KXD1: variants seen among roughly 807,000 people sequenced by gnomAD.
The protein encoded by KXD1 is kxDL motif-containing protein 1.
In KXD1, 5 loss-of-function variants were observed where a neutral mutation model predicts 12.1. That is an observed-to-expected ratio of 0.41 (90% CI 0.22 to 0.87). The LOEUF (loss-of-function observed/expected upper bound fraction) is 0.87. Among genes scored for constraint, KXD1 ranks in the 40% least tolerant of loss-of-function variants. The probability of loss-of-function intolerance (pLI) is 0.31; values close to 1 mark genes in which losing one functional copy is unlikely to be tolerated. For missense variants in KXD1, 193 were observed against 244.9 expected (o/e 0.79, Z 1.41); for synonymous variants, 98 against 100.5 (o/e 0.98, Z 0.15).
Position 18,568,443 on chromosome 19 carries a change from C to T in KXD1, c.343C>T (p.Pro115Ser). ...CTTCCTGGAGGAAGAGGATGAAGAC[C>T]CCATCCCACCCAGCACCACGACCAC... ...ASFLEEEDED[P>S]IPPSTTTTIA... Residue 115 changes from proline to serine, a missense_variant, in exon 5 of 5, where the codon CCC becomes TCC. Transcript: ENST00000222307. 1.2e-6 allele frequency: 2 copies of T among 1,614,050 alleles called. No individual in the cohort carries two copies. Among genetic ancestry groups the T allele is most frequent in the African/African-American group, 2.7e-5 (2 of 75,008 alleles).
At chr19:18,561,259 C>G (rs1050512932) in intron 1 of KXD1, among the ~76,000 whole-genome samples, 1 of 151,790 alleles carries the variant, frequency 6.6e-6, no homozygotes, top group Non-Finnish European at 1.5e-5. Flanking sequence ...CAAACAAAAA[C>G]AAGGTAAAGT....
intron 2 of KXD1, among the ~76,000 whole-genome samples, chr19:18,563,797 C>T (rs58782998): frequency 0.46 from 70,271 of 151,786 alleles, 18,501 homozygotes; most frequent in East Asian, 0.65. Context: ...CCACCGTGCC[C>T]GGCCCTGATT....
chr19:18,567,265 T>A lies in KXD1; in HGVS notation c.301+87T>A, dbSNP rs1416171138. ...TCTGGAAGGCCACCTTGGGGCCTGA[T>A]ACTGAGACCAGGCTGTAATGGGCAG... On this transcript the variant is annotated intron_variant, in intron 4 of 4. Transcript: ENST00000222307. 7 of 1,358,252 alleles carry A rather than the reference T, an allele frequency of 5.2e-6. No individual in the cohort carries two copies. In the East Asian group the frequency reaches 1.6e-4, roughly 32 times the overall value. The allele number at this position is 1,358,252 out of a possible 1,614,324, so 84.1% of individuals were successfully genotyped here.
rs57907504 is a variant in KXD1 at position 18,568,845 on chromosome 19, C to T, written c.*214C>T. The T allele has an allele frequency of 2.5e-3, 1,430 of 574,240 alleles. 14 individuals are homozygous for T. The highest frequency in any genetic ancestry group is 0.023 in the African/African-American group (1,236 of 53,516). The allele number at this position is 574,240 out of a possible 1,614,324, so 35.6% of individuals were successfully genotyped here. The stretch of plus-strand genomic sequence containing the variant: ...CCTTCCTCAGAACATCTCTATTCTG[C>T]AAGACCCCTCTGCCATGCCAGGGCA... On this transcript the variant is annotated 3_prime_UTR_variant, in exon 5 of 5. Coordinates refer to ENST00000222307, the MANE Select transcript of KXD1 (RefSeq NM_024069.4).
intron 1 of KXD1, among the ~76,000 whole-genome samples, chr19:18,560,741 C>T (rs1974890622): frequency 6.6e-6 from 1 of 151,016 alleles, no homozygotes; most frequent in Non-Finnish European, 1.5e-5. Context: ...CGGAGTCTCT[C>T]TGTTGCCCAG....
rs1600554734 is a variant in KXD1 at position 18,557,923 on chromosome 19, G to T, written c.-22+9G>T. On this transcript the variant is annotated intron_variant, in intron 1 of 4. Transcript: ENST00000222307. ...GGCCGCCAGATGTGCAGGTGCCGCC[G>T]CTACCGACGCCGGGGCCGAGTTTGG... 1 of 152,258 alleles carries T rather than the reference G, an allele frequency of 6.6e-6. No homozygotes were observed. The highest frequency in any genetic ancestry group is 1.9e-4 in the East Asian group (1 of 5,198). 9.4% of individuals were successfully genotyped at this position (152,258 alleles called of 1,614,324 possible). A position where few individuals can be genotyped will look rare whatever the true frequency, so the allele number is the denominator to read the frequency against.
At chr19:18,563,870 C>T (rs1185326795) in intron 2 of KXD1, among the ~76,000 whole-genome samples, 1 of 151,496 alleles carries the variant, frequency 6.6e-6, no homozygotes, top group Non-Finnish European at 1.5e-5. Context: ...ATCCACCCTG[C>T]CTCAACCTCC....
chr19:18,558,063 A>G (rs1568417383), intron 1 of KXD1, 149 bp downstream of exon 1: 1 of 152,352 alleles, frequency 6.6e-6, no homozygotes, highest in African/African-American at 2.4e-5. Flanking sequence ...TGCTGCGCAC[A>G]GGCCTCAGTT....
intron 4 of KXD1, among the ~76,000 whole-genome samples, chr19:18,568,068 T>C (rs1339823942): frequency 6.6e-6 from 1 of 152,054 alleles, no homozygotes; most frequent in East Asian, 1.9e-4. Flanking sequence ...GGGAGTTCGA[T>C]ACCAGCCTGA....
In KXD1 at chr19:18,568,598, C is replaced by G; in HGVS notation, c.498C>G (p.Ser166Arg). The change falls in exon 5 of 5, where the codon AGC becomes AGG. Residue 166 changes from serine to arginine, a missense_variant. By Grantham distance (110) the Ser-to-Arg change is moderately radical. Transcript: ENST00000222307. ...QPGSPAINGRSQTDDEEMTGE is the reference protein window; with the variant it reads ...QPGSPAINGRRQTDDEEMTGE ...GCTCCCCAGCCATCAACGGCCGCAG[C>G]CAGACAGATGACGAGGAGATGACGG... is the stretch of plus-strand genomic sequence containing the variant. The G allele has an allele frequency of 6.2e-7, 1 of 1,612,668 alleles. No individual in the cohort carries two copies. The highest frequency in any genetic ancestry group is 8.5e-7 in the Non-Finnish European group (1 of 1,180,002).
At chr19:18,564,802 T>A (rs62137086) in intron 2 of KXD1, 67 bp from the exon 3 acceptor site, 20 of 1,580,076 alleles carry the variant, frequency 1.3e-5, no homozygotes, top group East Asian at 6.7e-5. Context: ...ATGAACAGTC[T>A]TCTGGGCCAG....
chr19:18,561,386 C>G (rs964324023), intron 1 of KXD1: 6 of 152,264 alleles, frequency 3.9e-5, no homozygotes, highest in Admixed American at 1.3e-4. Context: ...AACCCCGTCT[C>G]TACTAAAAAA....
At chr19:18,561,037 G>T (rs1229754007) in intron 1 of KXD1, among the ~76,000 whole-genome samples, 4 of 152,096 alleles carry the variant, frequency 2.6e-5, no homozygotes, top group African/African-American at 9.7e-5. Flanking sequence ...CGTTGTGGCG[G>T]TGACAGGCAA....
chr19:18,566,265 A>G (rs1396198076), intron 3 of KXD1, among the ~76,000 whole-genome samples: 5 of 152,008 alleles, frequency 3.3e-5, no homozygotes, highest in African/African-American at 4.8e-5. Flanking sequence ...CCCGGCTAAC[A>G]TGGTGAAACC....
chr19:18,565,572 G>A (rs752037575), intron 3 of KXD1, among the ~76,000 whole-genome samples: 1 of 152,152 alleles, frequency 6.6e-6, no homozygotes, highest in Non-Finnish European at 1.5e-5. Flanking sequence ...GGAGTGCAGT[G>A]GCGTGATCTT....
chr19:18,560,759 T>C (rs568310650), intron 1 of KXD1, among the ~76,000 whole-genome samples: 1 of 151,250 alleles, frequency 6.6e-6, no homozygotes, highest in African/African-American at 2.4e-5. Flanking sequence ...CAGGCTGGAG[T>C]GCAGTGGCAC....
intron 3 of KXD1, among the ~76,000 whole-genome samples, chr19:18,565,628 T>C (rs934909683): frequency 2.6e-5 from 4 of 152,220 alleles, no homozygotes; most frequent in African/African-American, 9.6e-5. Context: ...ATTCTTGTGC[T>C]TCAGCCTTCT....
At chr19:18,558,372 C>G (rs1200692951) in intron 1 of KXD1, 1 of 152,166 alleles carries the variant, frequency 6.6e-6, no homozygotes, top group Non-Finnish European at 1.5e-5. Flanking sequence ...GGCAACGGAG[C>G]CCGCCCCTGT....
chr19:18,564,181 G>A (rs770025084), intron 2 of KXD1, among the ~76,000 whole-genome samples: 8 of 151,914 alleles, frequency 5.3e-5, no homozygotes, highest in African/African-American at 9.7e-5. Flanking sequence ...CCCCATGCCC[G>A]GCTGGTCTCC....
Sources: allele counts gnomAD v4.1 joint callset (sites outside exome capture counted in the v4.1 genomes callset), GRCh38; gene constraint gnomAD v4.1.1; transcripts MANE v1.5; gene names NCBI Gene and HGNC (gene_info 2026-07-23, HGNC 2026-07-21).